Variants in LRRC17 observed in about 807,000 individuals in gnomAD.
The protein encoded by LRRC17 is leucine-rich repeat-containing protein 17.
LRRC17 carries 33 observed loss-of-function variants against 41.5 expected under a neutral mutation model. The ratio of observed to expected loss-of-function variants is 0.80; its 90% CI spans 0.60 to 1.06. The LOEUF is 1.06. LRRC17 is among the 50% of genes least tolerant of loss of function. LRRC17 has a pLI of 0.00. For synonymous variants in LRRC17, 192 were observed against 197.0 expected, an observed-to-expected ratio of 0.97 and a Z score of 0.21; for missense variants, 491 against 519.3, an observed-to-expected ratio of 0.95 and a Z score of 0.53.
At chr7:102,918,310 G>C (rs1025577098) in intron 1 of LRRC17, among the ~76,000 whole-genome samples, 5 of 152,118 alleles carry the variant, frequency 3.3e-5, no homozygotes, top group Admixed American at 2.6e-4. Context: ...GCAAGAACTA[G>C]AAGGAAGAGC....
At chr7:102,933,074 A>G (rs1819531623) in intron 1 of LRRC17, 1 of 152,260 alleles carries the variant, frequency 6.6e-6, no homozygotes, top group Admixed American at 6.5e-5. Context: ...GGTAAGTGCC[A>G]TGGAGAAGAA....
chr7:102,926,231 A>G, intron 1 of LRRC17: 1 of 1,547,448 alleles, frequency 6.5e-7, no homozygotes, highest in Non-Finnish European at 8.9e-7. Flanking sequence ...AGACTTTGGG[A>G]GCATAATTTT....
At chr7:102,940,225 T>G (rs1043020777) in intron 3 of LRRC17, among the ~76,000 whole-genome samples, 2 of 148,294 alleles carry the variant, frequency 1.3e-5, no homozygotes, top group African/African-American at 2.5e-5. Flanking sequence ...TTGTTTTTTT[T>G]TTTGAGATGG....
rs777362646 is a variant in LRRC17 at position 102,934,088 on chromosome 7, T to C, written c.175T>C (p.Tyr59His). 1 of 1,614,222 alleles carries C rather than the reference T, an allele frequency of 6.2e-7. No individual in the cohort carries two copies. Among genetic ancestry groups the C allele is most frequent in the Non-Finnish European group, 8.5e-7 (1 of 1,180,024 alleles). The change falls in exon 2 of 4, where the codon TAT (tyrosine) becomes CAT (histidine). Residue 59 changes from tyrosine (Y) to histidine (H), a missense_variant. By Grantham distance (83) the Tyr-to-His change is moderately conservative. Transcript: ENST00000339431. ...AGGCCTCCCGTGTGACGTGTACACA[T>C]ATCTCCATGAGAAATACTTAGATTG... ...APGLPCDVYT[Y>H]LHEKYLDCQE...
In LRRC17 at chr7:102,933,980, C is replaced by T; in HGVS notation, c.67C>T (p.Pro23Ser). Reference protein sequence around the residue: ...CKAAELRKASPGSVRSRVNHG... With the variant: ...CKAAELRKASSGSVRSRVNHG... Reference sequence around the variant, plus strand: ...AGCGGCTGAGCTGCGCAAAGCAAGCCCAGGCAGTGTGAGAAGCCGAGTGAA... The same window carrying T: ...AGCGGCTGAGCTGCGCAAAGCAAGCTCAGGCAGTGTGAGAAGCCGAGTGAA... Residue 23 changes from proline (P) to serine (S), a missense_variant, in exon 2 of 4, where the codon CCA becomes TCA. Physicochemically the swap from Pro to Ser is moderately conservative, Grantham distance 74. Transcript: ENST00000339431. The T allele has an allele frequency of 6.2e-7, 1 of 1,614,080 alleles. No homozygotes were observed. The highest frequency in any genetic ancestry group is 8.5e-7 in the Non-Finnish European group (1 of 1,179,982).
intron 1 of LRRC17, among the ~76,000 whole-genome samples, chr7:102,914,799 C>T (rs991758096): frequency 6.6e-6 from 1 of 152,172 alleles, no homozygotes; most frequent in Non-Finnish European, 1.5e-5. Flanking sequence ...AGACACGCCC[C>T]CTCTCTTGGG....
chr7:102,937,987 A>G (rs1820664029), intron 2 of LRRC17, among the ~76,000 whole-genome samples: 1 of 152,246 alleles, frequency 6.6e-6, no homozygotes, highest in Non-Finnish European at 1.5e-5. Flanking sequence ...TCAACCACAC[A>G]GACCTCAATG....
At chr7:102,939,663 T>G (rs1821021779) in intron 3 of LRRC17, 78 bp downstream of exon 3, 2 of 1,247,954 alleles carry the variant, frequency 1.6e-6, no homozygotes, top group Admixed American at 4.8e-5. Context: ...TTATATACAG[T>G]AAATTCAGTT....
At chr7:102,943,263 C>T (rs1194129134) in intron 3 of LRRC17, among the ~76,000 whole-genome samples, 1 of 151,598 alleles carries the variant, frequency 6.6e-6, no homozygotes, top group African/African-American at 2.4e-5. Context: ...TTTATCTGCA[C>T]TTGTCTTACA....
chr7:102,917,439 T>C (rs1267546406), intron 1 of LRRC17, among the ~76,000 whole-genome samples: 2 of 152,188 alleles, frequency 1.3e-5, no homozygotes, highest in Non-Finnish European at 2.9e-5. Flanking sequence ...AGTTGATCAA[T>C]ACATGGTGAA....
intron 1 of LRRC17, among the ~76,000 whole-genome samples, chr7:102,917,377 G>C (rs936919438): frequency 2.6e-5 from 4 of 152,172 alleles, no homozygotes; most frequent in African/African-American, 9.7e-5. Flanking sequence ...AAAGAGCAAA[G>C]ATCATAATAG....
chr7:102,941,526 A>T (rs1465594978), intron 3 of LRRC17, among the ~76,000 whole-genome samples: 4 of 152,138 alleles, frequency 2.6e-5, no homozygotes, highest in Admixed American at 6.6e-5. Context: ...GCTCTGCATG[A>T]ATTACTCTTT....
intron 1 of LRRC17, among the ~76,000 whole-genome samples, chr7:102,930,512 C>T (rs1226784293): frequency 2.6e-5 from 4 of 152,208 alleles, no homozygotes. Context: ...ATTTCTGCTC[C>T]AATATCCCAC....
At chr7:102,932,903 T>A (rs1034098087) in intron 1 of LRRC17, among the ~76,000 whole-genome samples, 2 of 152,198 alleles carry the variant, frequency 1.3e-5, no homozygotes, top group East Asian at 3.9e-4. Flanking sequence ...CCAGAATAGT[T>A]ATTTGAGAGT....
At chr7:102,943,336 CAAA>C (rs58320878) in intron 3 of LRRC17, among the ~76,000 whole-genome samples, 18 of 142,734 alleles carry the variant, frequency 1.3e-4, no homozygotes, top group African/African-American at 3.8e-4. Context: ...AAGTAAATAC[CAAA>C]AAAAAAAAAA....
rs371158213 is a variant in LRRC17 at position 102,933,966 on chromosome 7, T to C, written c.53T>C (p.Leu18Pro). 1.2e-6 allele frequency: 2 copies of C among 1,613,952 alleles called. No homozygotes were observed. The highest frequency in any genetic ancestry group is 1.7e-5 in the Admixed American group (1 of 60,006). The change falls in exon 2 of 4, where the codon CTG becomes CCG. Residue 18 changes from leucine to proline, a missense_variant. Physicochemically the swap from Leu to Pro is moderately conservative, Grantham distance 98. Coordinates refer to ENST00000339431, the MANE Select transcript of LRRC17 (RefSeq NM_001031692.3). Reference sequence around the variant, plus strand: ...CTCTGCTTTTGCAAAGCGGCTGAGCTGCGCAAAGCAAGCCCAGGCAGTGTG... The same window carrying C: ...CTCTGCTTTTGCAAAGCGGCTGAGCCGCGCAAAGCAAGCCCAGGCAGTGTG... ...ILLCFCKAAELRKASPGSVRS... is the reference protein window; with the variant it reads ...ILLCFCKAAEPRKASPGSVRS...
At chr7:102,919,166 A>G (rs1816502121) in intron 1 of LRRC17, among the ~76,000 whole-genome samples, 1 of 152,174 alleles carries the variant, frequency 6.6e-6, no homozygotes, top group African/African-American at 2.4e-5. Context: ...AATTATTTAC[A>G]CCACAGAAAT....
At chr7:102,930,461 C>T (rs1290461459) in intron 1 of LRRC17, among the ~76,000 whole-genome samples, 3 of 152,200 alleles carry the variant, frequency 2.0e-5, no homozygotes, top group Admixed American at 6.5e-5. Flanking sequence ...TAATGCCTCA[C>T]CTTCTGACCT....
chr7:102,931,327 T>C (rs971346275), intron 1 of LRRC17, among the ~76,000 whole-genome samples: 1 of 152,180 alleles, frequency 6.6e-6, no homozygotes, highest in African/African-American at 2.4e-5. Context: ...GGTAGAGTAA[T>C]ATTAAAGAGC....
Sources: gnomAD v4.1 joint callset for allele counts (sites outside exome capture counted in the v4.1 genomes callset) on GRCh38, gnomAD v4.1.1 for gene constraint, MANE v1.5 for transcripts, NCBI Gene and HGNC (gene_info 2026-07-23, HGNC 2026-07-21) for gene names.